The following TP53BP2 variants were observed in gnomAD, a reference collection of about 807,000 sequenced individuals.
TP53BP2 encodes tumor protein p53 binding protein 2.
Under a neutral mutation model 126.2 loss-of-function variants are expected in TP53BP2, and 62 were observed. The observed-to-expected ratio is 0.49, with a 90% CI of 0.40 to 0.61. The LOEUF (loss-of-function observed/expected upper bound fraction) is 0.61. TP53BP2 is among the 20% of genes least tolerant of loss of function. The probability of loss-of-function intolerance (pLI) is 0.00; values close to 1 mark genes in which losing one functional copy is unlikely to be tolerated. For synonymous variants in TP53BP2, 485 were observed against 502.9 expected (o/e 0.96, Z 0.48); for missense variants, 1,215 against 1,402.8 (o/e 0.87, Z 2.14).
intron 17 of TP53BP2, 91 bp downstream of exon 17, chr1:223,784,024 G>T: frequency 9.0e-7 from 1 of 1,113,180 alleles, no homozygotes; most frequent in Non-Finnish European, 1.4e-6. Context: ...ACAAAGGGCA[G>T]TTTGGTGCAC....
In TP53BP2 at chr1:223,810,410, T is replaced by C. The variant is rs371422553; in HGVS notation, c.372+21A>G. 9 of 1,574,170 alleles carry C rather than the reference T, an allele frequency of 5.7e-6. No homozygotes were observed. The African/African-American group carries it at 8.1e-5, about 14-fold the overall frequency. On this transcript the variant is annotated intron_variant, in intron 4 of 17. Coordinates refer to ENST00000343537, the MANE Select transcript of TP53BP2 (RefSeq NM_001031685.3). Reference sequence around the variant, plus strand: ...ATGTATCACTGTGGTATATACAGTATGGATAAAAACAACAACTTACACCGT... The same window carrying C: ...ATGTATCACTGTGGTATATACAGTACGGATAAAAACAACAACTTACACCGT...
At chr1:223,829,933 T>C (rs1386888877) in intron 1 of TP53BP2, among the ~76,000 whole-genome samples, 21 of 152,064 alleles carry the variant, frequency 1.4e-4, no homozygotes, top group Admixed American at 1.4e-3. Flanking sequence ...TCCTTTGAAC[T>C]TAGAAATCAG....
intron 5 of TP53BP2, 147 bp downstream of exon 5, chr1:223,806,699 C>T: frequency 1.7e-6 from 1 of 597,786 alleles, no homozygotes; most frequent in East Asian, 3.1e-5. Flanking sequence ...TGGCGTCTGC[C>T]TGTAATCCCA....
rs79033771 is a variant in TP53BP2 at position 223,804,699 on chromosome 1, T to C, written c.475-351A>G. On this transcript the variant is annotated intron_variant, in intron 5 of 17. Coordinates refer to ENST00000343537, the MANE Select transcript of TP53BP2 (RefSeq NM_001031685.3). ...AGAAATGGGAAGCATCATAAGAAAC[T>C]ATTTAAATGCACAAGATTTGGAGTA... Among the ~76,000 whole-genome samples the C allele has an allele frequency of 3.4e-3, 516 of 152,318 alleles. 2 individuals carry two copies. The highest frequency in any genetic ancestry group is 5.8e-3 in the Non-Finnish European group (393 of 68,024).
intron 12 of TP53BP2, among the ~76,000 whole-genome samples, chr1:223,797,495 C>T (rs984048905): frequency 2.0e-5 from 3 of 151,830 alleles, no homozygotes; most frequent in Admixed American, 2.0e-4. Context: ...TCACTGCAAC[C>T]TCCGCCTCCC....
At position 223,780,865 on chromosome 1, in the gene TP53BP2, C is replaced by T. The variant is rs559524248; in HGVS notation, c.3393G>A (p.Arg1131=). ...GLYPRIKPRQ[R]SLA is the part of the protein sequence containing the mutation. ...CTGTGTGGAAGTTTCAGGCCAAGCT[C>T]CTTTGTCTTGGTTTAATTCTTGGGT... Residue 1131 remains arginine, a synonymous_variant, in exon 18 of 18, where the codon AGG becomes AGA. Coordinates refer to ENST00000343537, the MANE Select transcript of TP53BP2 (RefSeq NM_001031685.3). 1 of 1,613,666 alleles carries T rather than the reference C, an allele frequency of 6.2e-7. No homozygotes were observed. Among genetic ancestry groups the T allele is most frequent in the African/African-American group, 1.3e-5 (1 of 75,010 alleles).
chr1:223,792,550 C>A (rs750171810), intron 14 of TP53BP2, 28 bp from the exon 15 acceptor site: 2 of 1,610,900 alleles, frequency 1.2e-6, no homozygotes, highest in South Asian at 2.2e-5. Context: ...GTGAGCATCA[C>A]TCTAGTTTCT....
At chr1:223,820,680 A>G (rs1044977828) in intron 2 of TP53BP2, among the ~76,000 whole-genome samples, 1 of 152,204 alleles carries the variant, frequency 6.6e-6, no homozygotes, top group African/African-American at 2.4e-5. Context: ...GTGTAGGAAC[A>G]AGGCAGAAAT....
chr1:223,783,394 T>C (rs1008057267), intron 17 of TP53BP2, among the ~76,000 whole-genome samples: 19 of 152,194 alleles, frequency 1.2e-4, no homozygotes, highest in African/African-American at 4.3e-4. Flanking sequence ...AACCCTTTCC[T>C]TACTTCCTCA....
At position 223,791,442 on chromosome 1, in the gene TP53BP2, T is replaced by C. The variant is rs556060902; in HGVS notation, c.2996+947A>G. 2.0e-3 allele frequency among the ~76,000 whole-genome samples: 231 copies of C among 117,182 alleles called. 1 individual carries two copies. The highest frequency in any genetic ancestry group is 8.4e-3 in the Middle Eastern group (2 of 238). 76.9% of individuals were successfully genotyped at this position (117,182 alleles called of 152,430 possible). On this transcript the variant is annotated intron_variant, in intron 15 of 17. Coordinates refer to ENST00000343537, the MANE Select transcript of TP53BP2 (RefSeq NM_001031685.3). ...ACATTAAAATATAAGTGTTTAAAAA[T>C]TGTAACCAAAGTGCTTCTCCAAGCA...
At chr1:223,818,017 A>G (rs1379426677) in intron 2 of TP53BP2, among the ~76,000 whole-genome samples, 1 of 152,168 alleles carries the variant, frequency 6.6e-6, no homozygotes, top group Non-Finnish European at 1.5e-5. Flanking sequence ...AGTAAACTGG[A>G]GAACACTGAT....
intron 1 of TP53BP2, among the ~76,000 whole-genome samples, chr1:223,835,043 T>C (rs1050818084): frequency 6.6e-6 from 1 of 152,202 alleles, no homozygotes; most frequent in African/African-American, 2.4e-5. Context: ...AAATATGCAA[T>C]ACATGTTTGT....
rs534916150 is a variant in TP53BP2 at position 223,781,087 on chromosome 1, G to A, written c.3364-193C>T. Among the ~76,000 whole-genome samples the A allele has an allele frequency of 9.2e-5, 14 of 152,270 alleles. No homozygotes were observed. In the East Asian group the frequency reaches 1.4e-3, roughly 15 times the overall value. On this transcript the variant is annotated intron_variant, in intron 17 of 17. Transcript: ENST00000343537. ...TGGTCATAGCTAGACTCAGCAGGACGTTCAAAGATCACAAGGGCCCGTCAA... is the reference window on the plus strand; with the variant it reads ...TGGTCATAGCTAGACTCAGCAGGACATTCAAAGATCACAAGGGCCCGTCAA...
At chr1:223,790,859 C>T (rs1392078214) in intron 15 of TP53BP2, among the ~76,000 whole-genome samples, 1 of 152,110 alleles carries the variant, frequency 6.6e-6, no homozygotes, top group Non-Finnish European at 1.5e-5. Context: ...TCTGCTTCAA[C>T]ATCCCAAAGT....
At chr1:223,830,425 C>T (rs997792739) in intron 1 of TP53BP2, among the ~76,000 whole-genome samples, 1 of 151,670 alleles carries the variant, frequency 6.6e-6, no homozygotes, top group East Asian at 1.9e-4. Context: ...CTCAAAGATA[C>T]GATGGTAGTA....
chr1:223,799,336 T>C (rs568955972), intron 11 of TP53BP2, among the ~76,000 whole-genome samples: 1 of 152,316 alleles, frequency 6.6e-6, no homozygotes, highest in South Asian at 2.1e-4. Flanking sequence ...CAATACAATC[T>C]CTTCCCTTTA....
intron 13 of TP53BP2, 73 bp from the exon 14 acceptor site, chr1:223,793,513 A>G (rs1394495375): frequency 2.1e-6 from 3 of 1,396,160 alleles, no homozygotes; most frequent in Non-Finnish European, 2.8e-6. Flanking sequence ...ATGGGAAGGA[A>G]TGACTTCTCA....
At position 223,803,275 on chromosome 1, in the gene TP53BP2, A is replaced by C; in HGVS notation, c.827T>G (p.Leu276Arg). The C allele has an allele frequency of 2.5e-6, 4 of 1,609,038 alleles. No homozygotes were observed. The highest frequency in any genetic ancestry group is 3.4e-6 in the Non-Finnish European group (4 of 1,178,494). ...TGGCAAACAGCTACGGTCTACCTGC[A>C]GCTCCTTATAGAGGCGATCAAGCTC... ...VAELDRLYKE[L>R]QLRNKLNQEQ... The change falls in exon 7 of 18, where the codon CTG (leucine) becomes CGG (arginine). Residue 276 changes from leucine to arginine, a missense_variant. Around this residue, in one of 4 missense-constraint regions of TP53BP2, gnomAD observed 814 missense variants for 853.0 expected, o/e 0.95. Transcript: ENST00000343537.
Position 223,821,336 on chromosome 1 carries a change from T to C in TP53BP2, c.59A>G (p.Glu20Gly), listed in dbSNP as rs1405776970. 1 of 1,613,954 alleles carries C rather than the reference T, an allele frequency of 6.2e-7. No individual in the cohort carries two copies. Among genetic ancestry groups the C allele is most frequent in the Non-Finnish European group, 8.5e-7 (1 of 1,179,910 alleles). The part of the protein sequence containing the change: ...MFLTVYLSNN[E>G]QHFTEVPVTP... ...AACTGGAACTTCTGTGAAGTGCTGC[T>C]CATTGTTACTGAGATACACGGTAAG... Residue 20 changes from glutamate (E) to glycine (G), a missense_variant, in exon 2 of 18, where the codon GAG (glutamate) becomes GGG (glycine). Glu to Gly is a moderately conservative substitution (Grantham distance 98). This residue lies in a region of TP53BP2 where 814 missense variants were observed against 853.0 expected (regional missense o/e 0.95). Transcript: ENST00000343537.
Sources: gnomAD v4.1 joint callset for allele counts (sites outside exome capture counted in the v4.1 genomes callset) on GRCh38, gnomAD v4.1.1 for gene constraint, gnomAD v4.1.1 regional missense constraint, MANE v1.5 for transcripts, NCBI Gene and HGNC (gene_info 2026-07-23, HGNC 2026-07-21) for gene names.